INPP4B: variants seen among roughly 807,000 people sequenced by gnomAD.
The protein encoded by INPP4B is inositol polyphosphate 4-phosphatase type II.
Under a neutral mutation model 122.5 loss-of-function variants are expected in INPP4B, and 55 were observed. The ratio of observed to expected loss-of-function variants is 0.45; its 90% CI spans 0.36 to 0.56. The LOEUF is 0.56. Among genes scored for constraint, INPP4B ranks in the 20% least tolerant of loss-of-function variants. The pLI, the probability that INPP4B is intolerant of heterozygous loss-of-function variation, is 0.00. For missense variants in INPP4B, 1,000 were observed against 1,097.7 expected, an observed-to-expected ratio of 0.91 and a Z score of 1.26; for synonymous variants, 403 against 388.7, an observed-to-expected ratio of 1.04 and a Z score of -0.43.
At chr4:142,837,071 A>C (rs1421315645) in intron 1 of INPP4B, among the ~76,000 whole-genome samples, 1 of 151,678 alleles carries the variant, frequency 6.6e-6, no homozygotes, top group Non-Finnish European at 1.5e-5. Flanking sequence ...GAGGAGAATC[A>C]CTCAAACCCT....
intron 2 of INPP4B, among the ~76,000 whole-genome samples, chr4:142,525,006 A>T (rs1826685489): frequency 1.3e-5 from 2 of 151,928 alleles, no homozygotes; most frequent in African/African-American, 4.8e-5. Context: ...CTCAGCCCAA[A>T]ATCTCCTTAA....
chr4:142,571,165 C>T (rs1381998723), intron 2 of INPP4B, among the ~76,000 whole-genome samples: 2 of 151,694 alleles, frequency 1.3e-5, no homozygotes, highest in African/African-American at 4.8e-5. Context: ...CCTTGGCACC[C>T]CCAGAAAAGC....
Position 142,260,524 on chromosome 4 carries a change from C to G in INPP4B, c.656G>C (p.Ser219Thr), listed in dbSNP as rs779504561. Residue 219 changes from serine (S) to threonine (T), a missense_variant, in exon 11 of 26, where the codon AGC (serine) becomes ACC (threonine). Transcript: ENST00000262992. ...CAAAAAAGGTAAGTTATCTTTTCCG[C>G]TCACACTTTCCGGGGCTGTACATTC... The part of the protein sequence containing the change: ...VCECTAPESV[S>T]GKDNLPFLNS... The G allele has an allele frequency of 1.2e-5, 19 of 1,609,004 alleles. No individual in the cohort carries two copies. The highest frequency in any genetic ancestry group is 1.6e-5 in the Non-Finnish European group (19 of 1,176,904).
intron 7 of INPP4B, among the ~76,000 whole-genome samples, chr4:142,355,339 G>A (rs1362118164): frequency 6.6e-6 from 1 of 151,978 alleles, no homozygotes; most frequent in Non-Finnish European, 1.5e-5. Context: ...AAATCAGGAA[G>A]TTGAATGAGA....
intron 1 of INPP4B, among the ~76,000 whole-genome samples, chr4:142,823,828 G>A (rs1781094438): frequency 6.6e-6 from 1 of 152,124 alleles, no homozygotes; most frequent in African/African-American, 2.4e-5. Context: ...TTATTTTTGT[G>A]TGTCAACTTG....
At chr4:142,399,425 G>C (rs1159152515) in intron 7 of INPP4B, among the ~76,000 whole-genome samples, 1 of 151,880 alleles carries the variant, frequency 6.6e-6, no homozygotes, top group Non-Finnish European at 1.5e-5. Flanking sequence ...TCAATCTCTT[G>C]ACCTCATGAT....
At position 142,208,568 on chromosome 4, in the gene INPP4B, T is replaced by C. The variant is rs188748939; in HGVS notation, c.968-39A>G. 1.4e-5 allele frequency: 16 copies of C among 1,121,616 alleles called. No homozygotes were observed. In the African/African-American group the frequency reaches 1.7e-4, roughly 12 times the overall value. The allele number at this position is 1,121,616 out of a possible 1,614,324, so 69.5% of individuals were successfully genotyped here. On this transcript the variant is annotated intron_variant, in intron 13 of 25. Transcript: ENST00000262992. The stretch of plus-strand genomic sequence containing the variant: ...GAAATTAAACATTATTAGTAAATAA[T>C]GATAAATTAATATGTGTGTTAAAAG...
At chr4:142,621,204 A>G (rs1375874473) in intron 2 of INPP4B, among the ~76,000 whole-genome samples, 1 of 151,952 alleles carries the variant, frequency 6.6e-6, no homozygotes, top group African/African-American at 2.4e-5. Context: ...AACATAAAAT[A>G]AAGAACTAAG....
rs13145057 is a variant in INPP4B, at chr4:142,696,088, G to A, written c.-191+29751C>T. 6.7e-3 allele frequency among the ~76,000 whole-genome samples: 1,024 copies of A among 152,246 alleles called. 1 individual carries two copies. Among genetic ancestry groups the A allele is most frequent in the Non-Finnish European group, 0.011 (756 of 68,012 alleles). On this transcript the variant is annotated intron_variant, in intron 2 of 25. Coordinates refer to ENST00000262992, the MANE Select transcript of INPP4B (RefSeq NM_001101669.3). The stretch of plus-strand genomic sequence containing the variant: ...TTGAGTATTGACAAAGTTATCAGAC[G>A]AGGAAAGGTTAGAAAGGTCCCAGGA...
intron 2 of INPP4B, among the ~76,000 whole-genome samples, chr4:142,471,290 G>C (rs1818779660): frequency 6.6e-6 from 1 of 152,066 alleles, no homozygotes; most frequent in African/African-American, 2.4e-5. Flanking sequence ...TACAGCTATA[G>C]CTTTTTTTTT....
chr4:142,343,893 T>G (rs545568338), intron 7 of INPP4B, among the ~76,000 whole-genome samples: 1 of 152,078 alleles, frequency 6.6e-6, no homozygotes, highest in Admixed American at 6.6e-5. Context: ...TTGAAACCAG[T>G]AAGCCACTAT....
intron 1 of INPP4B, among the ~76,000 whole-genome samples, chr4:142,747,931 T>C (rs1173594581): frequency 6.6e-6 from 1 of 152,052 alleles, no homozygotes; most frequent in African/African-American, 2.4e-5. Context: ...GATGACGAGT[T>C]GATAGGGTGT....
At chr4:142,278,507 G>A (rs971014950) in intron 9 of INPP4B, among the ~76,000 whole-genome samples, 9 of 151,910 alleles carry the variant, frequency 5.9e-5, no homozygotes, top group African/African-American at 1.7e-4. Context: ...AATGATGGCA[G>A]TATTTAGGGC....
intron 18 of INPP4B, among the ~76,000 whole-genome samples, chr4:142,138,969 A>G (rs1336648769): frequency 6.6e-6 from 1 of 152,102 alleles, no homozygotes; most frequent in Admixed American, 6.5e-5. Flanking sequence ...TTTACATTTT[A>G]TCCAGTTTAA....
chr4:142,540,678 A>G (rs767193820), intron 2 of INPP4B, among the ~76,000 whole-genome samples: 6 of 152,174 alleles, frequency 3.9e-5, no homozygotes, highest in Middle Eastern at 3.2e-3. Context: ...TTGTTGTGCT[A>G]CGAATATTCT....
intron 15 of INPP4B, among the ~76,000 whole-genome samples, chr4:142,192,327 T>C (rs1375299961): frequency 1.5e-4 from 1 of 6,888 alleles, no homozygotes; most frequent in Non-Finnish European, 1.1e-3. Flanking sequence ...CCTTGGAATC[T>C]AAAAGTAAAA....
At chr4:142,628,437 G>A (rs13111204) in intron 2 of INPP4B, among the ~76,000 whole-genome samples, 2 of 56,032 alleles carry the variant, frequency 3.6e-5, no homozygotes, top group Admixed American at 2.2e-4. Flanking sequence ...GGGAGGGATA[G>A]CATTGGGAGA....
intron 25 of INPP4B, among the ~76,000 whole-genome samples, chr4:142,060,320 C>T (rs566486941): frequency 2.0e-4 from 30 of 152,046 alleles, no homozygotes; most frequent in Non-Finnish European, 4.0e-4. Context: ...TTACTTGATG[C>T]CTAGAGCCAA....
intron 2 of INPP4B, among the ~76,000 whole-genome samples, chr4:142,539,176 G>T (rs1828644373): frequency 6.7e-6 from 1 of 149,828 alleles, no homozygotes; most frequent in Admixed American, 6.7e-5. Context: ...TATATATACT[G>T]CCAGATACCT....
Sources: gnomAD v4.1 joint callset for allele counts (sites outside exome capture counted in the v4.1 genomes callset) on GRCh38, gnomAD v4.1.1 for gene constraint, MANE v1.5 for transcripts, NCBI Gene and HGNC (gene_info 2026-07-23, HGNC 2026-07-21) for gene names.